The following SNTA1 variants were observed in gnomAD, a reference collection of about 807,000 sequenced individuals.
SNTA1 encodes alpha-1-syntrophin.
A neutral mutation model predicts 47.1 loss-of-function variants in SNTA1; 31 were observed. That is an observed-to-expected ratio of 0.66 (90% CI 0.49 to 0.89). The LOEUF is 0.89. SNTA1 is among the 40% of genes least tolerant of loss of function. SNTA1 has a pLI of 0.00. For missense variants in SNTA1, 575 were observed against 693.0 expected (o/e 0.83, Z 1.91); for synonymous variants, 300 against 313.6 (o/e 0.96, Z 0.46).
intron 1 of SNTA1, 31 bp downstream of exon 1, chr20:33,443,280 C>T (rs1175679260): frequency 2.0e-6 from 3 of 1,483,206 alleles, no homozygotes; most frequent in South Asian, 1.3e-5. Context: ...CCAGACACCA[C>T]GACCCCGCGC....
At chr20:33,427,917 T>C (rs1372095325) in intron 2 of SNTA1, among the ~76,000 whole-genome samples, 1 of 152,034 alleles carries the variant, frequency 6.6e-6, no homozygotes, top group African/African-American at 2.4e-5. Context: ...CATGGGATTT[T>C]TTTTTTTAAT....
At chr20:33,437,381 T>C (rs1372924852) in intron 2 of SNTA1, among the ~76,000 whole-genome samples, 5 of 143,962 alleles carry the variant, frequency 3.5e-5, no homozygotes, top group African/African-American at 1.3e-4. Flanking sequence ...TGAGCCAAGA[T>C]CATACTACTG....
chr20:33,422,770 A>C (rs1179601718), intron 2 of SNTA1, among the ~76,000 whole-genome samples: 2 of 152,174 alleles, frequency 1.3e-5, no homozygotes, highest in Non-Finnish European at 1.5e-5. Context: ...CATTTCAAAC[A>C]AACCAACCAA....
chr20:33,410,364 G>C, intron 5 of SNTA1, 33 bp from the exon 6 acceptor site: 2 of 1,445,034 alleles, frequency 1.4e-6, no homozygotes. Context: ...TGAGCATGAG[G>C]CCTCAGGCCG....
At chr20:33,418,257 C>CTT (rs34434208) in intron 2 of SNTA1, among the ~76,000 whole-genome samples, 332 of 129,730 alleles carry the variant, frequency 2.6e-3, no homozygotes, top group African/African-American at 8.9e-3. Context: ...GGCCATGTGA[C>CTT]TTTTTTTTTT....
chr20:33,428,825 G>C (rs181757273), intron 2 of SNTA1, among the ~76,000 whole-genome samples: 12 of 152,206 alleles, frequency 7.9e-5, no homozygotes, highest in Admixed American at 2.6e-4. Context: ...TGGATTGCTT[G>C]AGGTCAGGAG....
At chr20:33,411,103 A>C (rs1989730116) in intron 5 of SNTA1, among the ~76,000 whole-genome samples, 1 of 151,958 alleles carries the variant, frequency 6.6e-6, no homozygotes, top group South Asian at 2.1e-4. Context: ...TGGGGCAGAA[A>C]GTTCTGCCCC....
intron 2 of SNTA1, among the ~76,000 whole-genome samples, chr20:33,436,981 A>AAAAGC (rs1568761227): frequency 7.1e-6 from 1 of 139,894 alleles, no homozygotes; most frequent in African/African-American, 2.7e-5. Flanking sequence ...AAAAAAAAAA[A>AAAAGC]AAGCTAGGCG....
intron 6 of SNTA1, among the ~76,000 whole-genome samples, 176 bp from the exon 7 acceptor site, chr20:33,409,064 A>G (rs1459534347): frequency 6.6e-6 from 1 of 151,484 alleles, no homozygotes; most frequent in Admixed American, 6.6e-5. Flanking sequence ...CCCCACCCTC[A>G]GAGGACCTAC....
intron 5 of SNTA1, among the ~76,000 whole-genome samples, chr20:33,411,825 T>A (rs1989747190): frequency 6.6e-6 from 1 of 152,212 alleles, no homozygotes. Context: ...TGATGTTCTC[T>A]CTGCATGGGA....
intron 2 of SNTA1, among the ~76,000 whole-genome samples, chr20:33,429,334 T>TAAAAAAA (rs35077145): frequency 2.8e-4 from 7 of 25,110 alleles, no homozygotes; most frequent in East Asian, 1.2e-3. Context: ...AGACTCCACC[T>TAAAAAAA]AAAAAAAAAA....
In SNTA1 at chr20:33,420,236, A is replaced by G. The variant is rs115721447; in HGVS notation, c.497-2313T>C. Among the ~76,000 whole-genome samples, 1,000 of 151,990 alleles carry G rather than the reference A, an allele frequency of 6.6e-3. 12 individuals carry two copies. The highest frequency in any genetic ancestry group is 0.022 in the African/African-American group (902 of 41,458). On this transcript the variant is annotated intron_variant, in intron 2 of 7. Transcript: ENST00000217381. Reference sequence around the variant, plus strand: ...ACTGTGCCCAGCCTACTTTTTGACCACAAAGTTTGGGATCCACACATTGAG... The same window carrying G: ...ACTGTGCCCAGCCTACTTTTTGACCGCAAAGTTTGGGATCCACACATTGAG...
intron 2 of SNTA1, among the ~76,000 whole-genome samples, chr20:33,433,037 C>T (rs1600858699): frequency 6.6e-6 from 1 of 151,978 alleles, no homozygotes; most frequent in East Asian, 1.9e-4. Context: ...TCAAGTGATT[C>T]TCCTGTCTCA....
intron 2 of SNTA1, among the ~76,000 whole-genome samples, chr20:33,430,387 C>T (rs1290868917): frequency 6.7e-6 from 1 of 149,658 alleles, no homozygotes; most frequent in East Asian, 2.0e-4. Context: ...CTCCTGGGCT[C>T]AAGCAATTCT....
Position 33,443,400 on chromosome 20 carries a change from G to A in SNTA1, c.221C>T (p.Pro74Leu), listed in dbSNP as rs572545726. ...CAGTAGCGCCTCTGGCAGCTGCGGGGGCCCGGCGCCCGGCTCCGCGGCGCC... is the reference window on the plus strand; with the variant it reads ...CAGTAGCGCCTCTGGCAGCTGCGGGAGCCCGGCGCCCGGCTCCGCGGCGCC... The part of the protein sequence containing the change: ...LNGAAEPGAG[P>L]PQLPEALLLQ... The change falls in exon 1 of 8, where the codon CCC becomes CTC. Residue 74 changes from proline to leucine, a missense_variant. Physicochemically the swap from Pro to Leu is moderately conservative, Grantham distance 98. Coordinates refer to ENST00000217381, the MANE Select transcript of SNTA1 (RefSeq NM_003098.3). 2.3e-3 allele frequency: 3,082 copies of A among 1,359,300 alleles called. 8 individuals carry two copies. Among genetic ancestry groups the A allele is most frequent in the Middle Eastern group, 2.8e-3 (10 of 3,604 alleles). 84.2% of individuals were successfully genotyped at this position (1,359,300 alleles called of 1,614,324 possible).
rs983100951 is a variant in SNTA1 at position 33,438,859 on chromosome 20, T to C, written c.478A>G (p.Lys160Glu). The C allele has an allele frequency of 1.2e-6, 2 of 1,613,850 alleles. No homozygotes were observed. The highest frequency in any genetic ancestry group is 2.7e-5 in the African/African-American group (2 of 74,904). Residue 160 changes from lysine to glutamate, a missense_variant, in exon 2 of 8, where the codon AAG becomes GAG. Lys to Glu is a moderately conservative substitution (Grantham distance 56). Coordinates refer to ENST00000217381, the MANE Select transcript of SNTA1 (RefSeq NM_003098.3). ...EAVQVLKKTGKEVVLEVKYMK... is the reference protein window; with the variant it reads ...EAVQVLKKTGEEVVLEVKYMK... ...TGCTTACCCTCCAGCACCACCTCCT[T>C]GCCTGTCTTCTTGAGGACCTGCACC...
Position 33,412,594 on chromosome 20 carries a change from A to G in SNTA1, c.890T>C (p.Ile297Thr), listed in dbSNP as rs2146762566. The G allele has an allele frequency of 3.7e-6, 6 of 1,613,654 alleles. No individual in the cohort carries two copies. Among genetic ancestry groups the G allele is most frequent in the Non-Finnish European group, 5.1e-6 (6 of 1,179,986 alleles). The change falls in exon 4 of 8, where the codon ATT becomes ACT. Residue 297 changes from isoleucine (I) to threonine (T), a missense_variant. Coordinates refer to ENST00000217381, the MANE Select transcript of SNTA1 (RefSeq NM_003098.3). The stretch of plus-strand genomic sequence containing the variant: ...AGGTACCTGCTCAGTTAGCCAGCCA[A>G]TCTGCTTGATGTCCTGGCTCCCAGC... ...STAGSQDIKQ[I>T]GWLTEQLPSG...
chr20:33,417,977 A>G, intron 2 of SNTA1, 54 bp from the exon 3 acceptor site: 1 of 1,147,576 alleles, frequency 8.7e-7, no homozygotes. Context: ...CCCAGCACAT[A>G]TCACAATTGT....
At chr20:33,426,717 G>A (rs967393329) in intron 2 of SNTA1, among the ~76,000 whole-genome samples, 1 of 151,978 alleles carries the variant, frequency 6.6e-6, no homozygotes, top group African/African-American at 2.4e-5. Context: ...AGCCAAGATC[G>A]TGACATTGCA....
Sources: gnomAD v4.1 joint callset for allele counts (sites outside exome capture counted in the v4.1 genomes callset) on GRCh38, gnomAD v4.1.1 for gene constraint, MANE v1.5 for transcripts, NCBI Gene and HGNC (gene_info 2026-07-23, HGNC 2026-07-21) for gene names.